ZC3H12B: variants seen among roughly 807,000 people sequenced by gnomAD.
The protein encoded by ZC3H12B is probable ribonuclease ZC3H12B.
A neutral mutation model predicts 43.9 loss-of-function variants in ZC3H12B; 7 were observed. The ratio of observed to expected loss-of-function variants is 0.16; its 90% CI spans 0.09 to 0.30. The LOEUF (loss-of-function observed/expected upper bound fraction) is 0.30. ZC3H12B is among the 10% of genes least tolerant of loss of function. The probability of loss-of-function intolerance (pLI) is 1.00; values close to 1 mark genes in which losing one functional copy is unlikely to be tolerated. For missense variants in ZC3H12B, 475 were observed against 670.2 expected, an observed-to-expected ratio of 0.71 and a Z score of 3.22; for synonymous variants, 222 against 241.7, an observed-to-expected ratio of 0.92 and a Z score of 0.76.
chrX:65,131,367 G>A, the ZC3H12B span, among the ~76,000 whole-genome samples: 1 of 111,489 alleles, frequency 9.0e-6, no homozygotes, highest in African/African-American at 3.3e-5. Flanking sequence ...CAGTCATGGG[G>A]GTGGAGGCCA....
chrX:65,329,118 C>T, the ZC3H12B span, among the ~76,000 whole-genome samples: 14 of 111,307 alleles, frequency 1.3e-4, no homozygotes, highest in African/African-American at 3.6e-4. Context: ...CCTGAGGAAT[C>T]GCCACACTGT....
the ZC3H12B span, among the ~76,000 whole-genome samples, chrX:65,291,972 AC>A: frequency 8.9e-6 from 1 of 112,059 alleles, no homozygotes; most frequent in Non-Finnish European, 1.9e-5. Flanking sequence ...TAAAGACATA[AC>A]AATCCTGAAT....
At chrX:65,188,928 C>A in the ZC3H12B span, among the ~76,000 whole-genome samples, 2 of 96,085 alleles carry the variant, frequency 2.1e-5, no homozygotes, top group Non-Finnish European at 2.1e-5. Context: ...GTATATCTCC[C>A]AATGCTATCC....
the ZC3H12B span, among the ~76,000 whole-genome samples, chrX:65,358,912 C>A: frequency 9.8e-5 from 11 of 111,828 alleles, no homozygotes; most frequent in Non-Finnish European, 1.9e-4. Flanking sequence ...GAAGTCATTT[C>A]CTGGCTTTAA....
the ZC3H12B span, among the ~76,000 whole-genome samples, chrX:65,274,881 G>A: frequency 2.7e-5 from 3 of 111,798 alleles, no homozygotes. Context: ...CAGCCCCGAG[G>A]GACTGTTGGC....
At position 65,378,627 on chromosome X, in the gene ZC3H12B, C is replaced by A. The variant is rs997070712; in HGVS notation, n.295+9629C>A. On this transcript the variant is annotated intron_variant and non_coding_transcript_variant, in intron 2 of 5. Coordinates refer to the ZC3H12B transcript ENST00000617377. Reference sequence around the variant, plus strand: ...AGGAGCCAAGATGGCCGAATAGGAACAGCTCCAGTCTACAGCTCCCAGTGT... The same window carrying A: ...AGGAGCCAAGATGGCCGAATAGGAAAAGCTCCAGTCTACAGCTCCCAGTGT... Among the ~76,000 whole-genome samples the A allele has an allele frequency of 5.3e-5, 6 of 112,275 alleles. No individual in the cohort carries two copies. In the South Asian group the frequency reaches 2.2e-3, roughly 42 times the overall value.
At chrX:65,321,138 T>C in the ZC3H12B span, among the ~76,000 whole-genome samples, 1 of 111,591 alleles carries the variant, frequency 9.0e-6, no homozygotes, top group Non-Finnish European at 1.9e-5. Flanking sequence ...TTTTGCATGT[T>C]ATGCATCTGA....
In ZC3H12B at chrX:65,397,583, C is replaced by T. The variant is rs775579208; in HGVS notation, n.296-1010C>T. Among the ~76,000 whole-genome samples, 45 of 111,411 alleles carry T rather than the reference C, an allele frequency of 4.0e-4. 1 individual carries two copies. The South Asian group carries it at 5.2e-3, about 13-fold the overall frequency. ...AGATCCATTGAATTCAACATCATTT[C>T]ATAAAGAATAACACCCTCAAAAAGC... On this transcript the variant is annotated intron_variant and non_coding_transcript_variant, in intron 2 of 5. Coordinates refer to the ZC3H12B transcript ENST00000617377.
chrX:65,472,974 GTGTATATATATATATATATATA>G (rs1386918548), intron 3 of ZC3H12B, among the ~76,000 whole-genome samples: 2 of 77,448 alleles, frequency 2.6e-5, no homozygotes, highest in South Asian at 1.1e-3. Context: ...GTGTATGTGT[GTGTATATATATATATATATATA>G]TGTATATATA....
the ZC3H12B span, among the ~76,000 whole-genome samples, chrX:65,135,923 T>C: frequency 9.0e-6 from 1 of 111,037 alleles, no homozygotes; most frequent in Non-Finnish European, 1.9e-5. Context: ...GCTGAAGTTC[T>C]CTATTTTCAT....
the ZC3H12B span, among the ~76,000 whole-genome samples, chrX:65,093,647 C>T: frequency 9.8e-5 from 11 of 111,932 alleles, no homozygotes; most frequent in African/African-American, 2.3e-4. Flanking sequence ...GCTGTAGCCC[C>T]GCCTTTTTTT....
the ZC3H12B span, among the ~76,000 whole-genome samples, chrX:65,047,044 G>A: frequency 1.2e-4 from 13 of 110,606 alleles, no homozygotes; most frequent in Non-Finnish European, 3.8e-5. Context: ...ACTGATCACA[G>A]ATCACCATAA....
chrX:65,153,668 G>A, the ZC3H12B span, among the ~76,000 whole-genome samples: 1 of 112,324 alleles, frequency 8.9e-6, no homozygotes, highest in Non-Finnish European at 1.9e-5. Flanking sequence ...GGAAGTCAAT[G>A]TGGTGATTCC....
chrX:65,114,879 A>T, the ZC3H12B span, among the ~76,000 whole-genome samples: 9 of 63,537 alleles, frequency 1.4e-4, no homozygotes, highest in Admixed American at 1.5e-3. Flanking sequence ...TAGTGCTATT[A>T]ATTTCTCTTT....
the ZC3H12B span, among the ~76,000 whole-genome samples, chrX:65,048,435 TG>T: frequency 9.0e-6 from 1 of 111,252 alleles, no homozygotes; most frequent in African/African-American, 3.3e-5. Flanking sequence ...TACTTAGCAG[TG>T]GGGTTACAAG....
chrX:65,417,461 C>G (rs1368112745), intron 3 of ZC3H12B, among the ~76,000 whole-genome samples: 2 of 112,199 alleles, frequency 1.8e-5, no homozygotes, highest in Non-Finnish European at 3.8e-5. Context: ...AATGAAGGAG[C>G]TCTCCTATGA....
At chrX:65,104,478 C>G in the ZC3H12B span, among the ~76,000 whole-genome samples, 3 of 111,563 alleles carry the variant, frequency 2.7e-5, no homozygotes, top group African/African-American at 9.8e-5. Flanking sequence ...GACCAGACAA[C>G]CTACAGAATG....
chrX:65,403,182 C>A (rs773383118), intron 3 of ZC3H12B, among the ~76,000 whole-genome samples: 1 of 112,207 alleles, frequency 8.9e-6, no homozygotes, highest in African/African-American at 3.2e-5. Flanking sequence ...GTACAACTGG[C>A]ATGCTGAAGA....
At chrX:65,166,128 G>A in the ZC3H12B span, among the ~76,000 whole-genome samples, 1 of 111,072 alleles carries the variant, frequency 9.0e-6, no homozygotes, top group African/African-American at 3.3e-5. Flanking sequence ...CATGTGCCAT[G>A]TTGGTGTGCT....
Sources: gnomAD v4.1 joint callset for allele counts (sites outside exome capture counted in the v4.1 genomes callset) on GRCh38, gnomAD v4.1.1 for gene constraint, MANE v1.5 for transcripts, NCBI Gene and HGNC (gene_info 2026-07-23, HGNC 2026-07-21) for gene names.